Variants in PNISR observed in about 807,000 individuals in gnomAD.
PNISR encodes the protein PNN interacting serine and arginine rich protein.
In PNISR, 20 loss-of-function variants were observed where a neutral mutation model predicts 93.4. The ratio of observed to expected loss-of-function variants is 0.21; its 90% CI spans 0.15 to 0.31. PNISR has a LOEUF of 0.31. Ranked by LOEUF, PNISR falls within the 10% of genes least tolerant of loss-of-function variation. The pLI is 1.00. For synonymous variants in PNISR, 305 were observed against 306.5 expected (o/e 0.99, Z 0.05); for missense variants, 893 against 985.4 (o/e 0.91, Z 1.25).
chr6:99,419,475 A>G (rs1195064125), intron 1 of PNISR, among the ~76,000 whole-genome samples: 3 of 152,048 alleles, frequency 2.0e-5, no homozygotes, highest in African/African-American at 7.2e-5. Context: ...GCATTAAGCG[A>G]AAAAAAGGGA....
intron 8 of PNISR, among the ~76,000 whole-genome samples, 198 bp from the exon 9 acceptor site, chr6:99,404,900 TC>T (rs1775965190): frequency 6.6e-6 from 1 of 152,006 alleles, no homozygotes; most frequent in Admixed American, 6.6e-5. Context: ...TGCCTCAGTC[TC>T]CCAAGTGGCT....
In PNISR at chr6:99,401,429, G is replaced by A. The variant is rs1457061790; in HGVS notation, c.1529C>T (p.Ser510Leu). The change falls in exon 12 of 12, where the codon TCG (serine) becomes TTG (leucine). Residue 510 changes from serine to leucine, a missense_variant. By Grantham distance (145) the Ser-to-Leu change is moderately radical (BLOSUM62 -2). Around this residue, in one of 3 missense-constraint regions of PNISR, gnomAD observed 866 missense variants for 935.1 expected, o/e 0.93. Transcript: ENST00000369239. ...GGAACTACCACTACTAGAACTTCCC[G>A]ACCTACTCCTTCCTTGTTTTTCTTT... The part of the protein sequence containing the change: ...KEKEKQGRSR[S>L]GSSSSGSSSS... The A allele has an allele frequency of 5.6e-6, 9 of 1,606,684 alleles. No individual in the cohort carries two copies. The highest frequency in any genetic ancestry group is 1.3e-5 in the African/African-American group (1 of 74,512).
chr6:99,419,167 AAAAAAAAAAAAAAAAAAAAAAAAG>A (rs749866047), intron 1 of PNISR, among the ~76,000 whole-genome samples: 8 of 139,238 alleles, frequency 5.7e-5, no homozygotes, highest in East Asian at 2.1e-4. Flanking sequence ...AAAAAAAAAA[AAAAAAAAAAAAAAAAAAAAAAAAG>A]GGCAATTTAC....
At chr6:99,408,739 T>C (rs1010057552) in intron 6 of PNISR, among the ~76,000 whole-genome samples, 20 of 152,292 alleles carry the variant, frequency 1.3e-4, no homozygotes, top group African/African-American at 4.8e-4. Context: ...ATTTAAAAAA[T>C]TGAAATTTTC....
intron 8 of PNISR, 89 bp downstream of exon 8, chr6:99,405,942 T>C (rs1233445504): frequency 1.3e-6 from 1 of 786,434 alleles, no homozygotes; most frequent in African/African-American, 1.8e-5. Context: ...TCAGCAGTTC[T>C]AGTTTCTGTT....
rs138164426 is a variant in PNISR at position 99,409,322 on chromosome 6, G to A, written c.524C>T (p.Pro175Leu). The change falls in exon 6 of 12, where the codon CCG becomes CTG. Residue 175 changes from proline to leucine, a missense_variant. By Grantham distance (98) the Pro-to-Leu change is moderately conservative. Transcript: ENST00000369239. ...ATAAGGAGGATGAAATCCACCTTGC[G>A]GTGGACCAAAAGCAGCCCCATGCTG... ...DYQHGAAFGP[P>L]QGGFHPPYWQ... is the part of the protein sequence containing the mutation. The A allele has an allele frequency of 1.4e-5, 22 of 1,613,582 alleles. No homozygotes were observed. Among genetic ancestry groups the A allele is most frequent in the East Asian group, 8.9e-5 (4 of 44,890 alleles).
chr6:99,425,155 A>C (rs1779334066), intron 1 of PNISR, 60 bp downstream of exon 1: 1 of 1,140,008 alleles, frequency 8.8e-7, no homozygotes, highest in Non-Finnish European at 1.1e-6. Context: ...TCGCCACAGA[A>C]ACCAAGAACG....
intron 10 of PNISR, 113 bp from the exon 11 acceptor site, chr6:99,402,823 A>C: frequency 1.3e-6 from 1 of 763,184 alleles, no homozygotes; most frequent in South Asian, 2.6e-5. Flanking sequence ...TTCCCAGAAG[A>C]ATACGCTTAT....
chr6:99,412,092 G>GA (rs919861005), intron 4 of PNISR: 10,759 of 264,058 alleles, frequency 0.041, no homozygotes, highest in South Asian at 0.07. Context: ...TTCACTATCT[G>GA]AAAAAAAAAA....
intron 2 of PNISR, chr6:99,415,182 G>C (rs1777517601): frequency 6.6e-6 from 1 of 152,128 alleles, no homozygotes; most frequent in East Asian, 1.9e-4. Flanking sequence ...AACCTTACAA[G>C]AAAAGTTGAT....
chr6:99,401,047 T>G lies in PNISR; in HGVS notation c.1911A>C (p.Arg637=), dbSNP rs750401034. 6.2e-7 allele frequency: 1 copy of G among 1,613,784 alleles called. No homozygotes were observed. Among genetic ancestry groups the G allele is most frequent in the Non-Finnish European group, 8.5e-7 (1 of 1,179,976 alleles). Residue 637 remains arginine, a synonymous_variant, in exon 12 of 12, where the codon CGA becomes CGC. Transcript: ENST00000369239. Reference sequence around the variant, plus strand: ...GTTGATCATCAATTTTACGCCTATCTCGACTCCTACTGCGACTGGCACGAT... The same window carrying G: ...GTTGATCATCAATTTTACGCCTATCGCGACTCCTACTGCGACTGGCACGAT... ...RTNRASRSRS[R]DRRKIDDQRG...
chr6:99,413,215 C>G (rs1343556120), intron 3 of PNISR, among the ~76,000 whole-genome samples: 2 of 152,138 alleles, frequency 1.3e-5, no homozygotes, highest in Non-Finnish European at 2.9e-5. Context: ...CTACCTAACT[C>G]TGTTTTTCCT....
At position 99,400,519 on chromosome 6, in the gene PNISR, C is replaced by G. The variant is rs148148378; in HGVS notation, c.*21G>C. The G allele has an allele frequency of 6.3e-7, 1 of 1,582,794 alleles. No individual in the cohort carries two copies. Among genetic ancestry groups the G allele is most frequent in the Non-Finnish European group, 8.6e-7 (1 of 1,169,556 alleles). ...CAGTCAATTTTTTTTAAAAATCAGA[C>G]AAAATACTTTAAAAAGTATACTACC... On this transcript the variant is annotated 3_prime_UTR_variant, in exon 12 of 12. Transcript: ENST00000369239.
intron 1 of PNISR, among the ~76,000 whole-genome samples, chr6:99,417,088 C>T (rs7776325): frequency 0.51 from 77,421 of 152,014 alleles, 20,158 homozygotes; most frequent in East Asian, 0.79. Flanking sequence ...TGCTTTCCAA[C>T]GCTTTAACAG....
intron 1 of PNISR, among the ~76,000 whole-genome samples, chr6:99,422,621 C>G (rs540727700): frequency 2.6e-5 from 4 of 152,256 alleles, no homozygotes; most frequent in Non-Finnish European, 4.4e-5. Context: ...TGCCTGTAAA[C>G]CCAGCACTTT....
rs1457477821 is a variant in PNISR at position 99,412,661 on chromosome 6, T to G, written c.167A>C (p.Gln56Pro). Reference protein sequence around the residue: ...EASGQQSMVEQPPGMMPNGQD... With the variant: ...EASGQQSMVEPPPGMMPNGQD... ...TCCATTTGGCATCATTCCTGGTGGTTGTTCTACCATGCTTTGCTGTCCTGA... is the reference window on the plus strand; with the variant it reads ...TCCATTTGGCATCATTCCTGGTGGTGGTTCTACCATGCTTTGCTGTCCTGA... The change falls in exon 4 of 12, where the codon CAA becomes CCA. Residue 56 changes from glutamine to proline, a missense_variant. Transcript: ENST00000369239. 1.2e-6 allele frequency: 2 copies of G among 1,612,762 alleles called. No individual in the cohort carries two copies. Among genetic ancestry groups the G allele is most frequent in the Admixed American group, 3.3e-5 (2 of 59,818 alleles).
At chr6:99,411,048 T>C in intron 4 of PNISR, 84 bp from the exon 5 acceptor site, 1 of 1,015,416 alleles carries the variant, frequency 9.8e-7, no homozygotes, top group Non-Finnish European at 1.5e-6. Context: ...AGAAAGATTT[T>C]TCAGTAAACA....
At position 99,400,779 on chromosome 6, in the gene PNISR, T is replaced by A. The variant is rs776325189; in HGVS notation, c.2179A>T (p.Ile727Leu). ...TCATGTCTTATGATTTTAACAGATA[T>A]AGAACCACTCCTAGAAAATGTTCTT... ...SERTFSRSGS[I>L]SVKIIRHDSR... Residue 727 changes from isoleucine (I) to leucine (L), a missense_variant, in exon 12 of 12, where the codon ATA (isoleucine) becomes TTA (leucine). Around this residue, in one of 3 missense-constraint regions of PNISR, gnomAD observed 866 missense variants for 935.1 expected, o/e 0.93. Transcript: ENST00000369239. 4 of 1,611,756 alleles carry A rather than the reference T, an allele frequency of 2.5e-6. No homozygotes were observed. The highest frequency in any genetic ancestry group is 1.7e-5 in the Admixed American group (1 of 59,908).
rs773891486 is a variant in PNISR at position 99,401,179 on chromosome 6, A to G, written c.1779T>C (p.Asp593=). ...ESNRARVKIR[D]RRRSNRNSIE... is the part of the protein sequence containing the mutation. ...TGCTATTTCTATTAGATCTCCTTCT[A>G]TCTCTAATCTTTACCCTAGCCCTAT... The change falls in exon 12 of 12, where the codon GAT becomes GAC. Residue 593 remains aspartate (D), a synonymous_variant. Transcript: ENST00000369239. 2 of 1,613,860 alleles carry G rather than the reference A, an allele frequency of 1.2e-6. No individual in the cohort carries two copies. Among genetic ancestry groups the G allele is most frequent in the East Asian group, 2.2e-5 (1 of 44,892 alleles).
Sources: allele counts gnomAD v4.1 joint callset (sites outside exome capture counted in the v4.1 genomes callset), GRCh38; gene constraint gnomAD v4.1.1; regional missense constraint gnomAD v4.1.1; transcripts MANE v1.5; gene names NCBI Gene and HGNC (gene_info 2026-07-23, HGNC 2026-07-21).